CNTNAP2: variants seen among roughly 807,000 people sequenced by gnomAD.
The protein encoded by CNTNAP2 is contactin-associated protein-like 2.
In CNTNAP2, 98 loss-of-function variants were observed where a neutral mutation model predicts 155.2. That is an observed-to-expected ratio of 0.63 (90% CI 0.54 to 0.75). The LOEUF is 0.75. Ranked by LOEUF, CNTNAP2 falls within the 30% of genes least tolerant of loss-of-function variation. The pLI, the probability that CNTNAP2 is intolerant of heterozygous loss-of-function variation, is 0.00. For synonymous variants in CNTNAP2, 651 were observed against 631.2 expected, an observed-to-expected ratio of 1.03 and a Z score of -0.47; for missense variants, 1,727 against 1,688.1, an observed-to-expected ratio of 1.02 and a Z score of -0.40.
chr7:147,162,241 G>A lies in CNTNAP2; in HGVS notation c.1348+29732G>A, dbSNP rs1025040567. On this transcript the variant is annotated intron_variant, in intron 8 of 23. Coordinates refer to ENST00000361727, the MANE Select transcript of CNTNAP2 (RefSeq NM_014141.6). ...TATTCTTATTTAGCTTAGTGTTTATGTGACTCCATATATCACTGCTTAAAA... is the reference window on the plus strand; with the variant it reads ...TATTCTTATTTAGCTTAGTGTTTATATGACTCCATATATCACTGCTTAAAA... 2.6e-5 allele frequency: 4 copies of A among 152,248 alleles called. No homozygotes were observed. The East Asian group carries it at 5.8e-4, about 22-fold the overall frequency. 9.4% of individuals were successfully genotyped at this position (152,248 alleles called of 1,614,324 possible).
chr7:146,970,811 C>T (rs1359195360), intron 3 of CNTNAP2, among the ~76,000 whole-genome samples: 5 of 152,082 alleles, frequency 3.3e-5, no homozygotes, highest in Admixed American at 2.6e-4. Context: ...GGAACCAACC[C>T]AAATGTCCAA....
intron 8 of CNTNAP2, among the ~76,000 whole-genome samples, chr7:147,174,234 A>G (rs936118225): frequency 6.6e-6 from 1 of 152,126 alleles, no homozygotes. Context: ...CTCCCTCCCA[A>G]ACTCCCTTAC....
At chr7:147,800,924 C>A (rs1180589290) in intron 13 of CNTNAP2, among the ~76,000 whole-genome samples, 1 of 152,220 alleles carries the variant, frequency 6.6e-6, no homozygotes, top group Non-Finnish European at 1.5e-5. Flanking sequence ...AGCCTAGAAG[C>A]AATGGGCTGT....
intron 15 of CNTNAP2, among the ~76,000 whole-genome samples, chr7:148,001,463 AT>A (rs1334597500): frequency 6.6e-6 from 1 of 152,046 alleles, no homozygotes; most frequent in Non-Finnish European, 1.5e-5. Context: ...CTGTTACTCA[AT>A]TTTTTTTCTA....
intron 23 of CNTNAP2, among the ~76,000 whole-genome samples, chr7:148,411,185 CCTCA>C (rs768525582): frequency 1.8e-4 from 27 of 152,146 alleles, no homozygotes; most frequent in Admixed American, 3.9e-4. Context: ...AGATCCCAAT[CCTCA>C]CTGTCTTTTG....
At chr7:147,585,849 A>G (rs1481103480) in intron 12 of CNTNAP2, among the ~76,000 whole-genome samples, 14 of 152,072 alleles carry the variant, frequency 9.2e-5, no homozygotes, top group Non-Finnish European at 1.3e-4. Context: ...AATACTTTAT[A>G]GGCTATATGT....
intron 1 of CNTNAP2, among the ~76,000 whole-genome samples, chr7:146,519,515 G>A (rs1287745907): frequency 6.6e-6 from 1 of 151,880 alleles, no homozygotes; most frequent in Non-Finnish European, 1.5e-5. Flanking sequence ...AGAATGTACT[G>A]GACTGAGGCA....
chr7:146,965,706 C>G (rs1429828548), intron 3 of CNTNAP2, among the ~76,000 whole-genome samples: 1 of 152,060 alleles, frequency 6.6e-6, no homozygotes, highest in Admixed American at 6.6e-5. Flanking sequence ...AGAGGTGAAT[C>G]TGCTGAAATA....
chr7:147,392,429 G>C (rs1584920599), intron 9 of CNTNAP2, among the ~76,000 whole-genome samples: 1 of 151,734 alleles, frequency 6.6e-6, no homozygotes, highest in Admixed American at 6.6e-5. Context: ...TTCTTTCGTG[G>C]TGATTTATGA....
At chr7:147,388,577 C>CT (rs71527809) in intron 9 of CNTNAP2, among the ~76,000 whole-genome samples, 27,299 of 151,302 alleles carry the variant, frequency 0.18, 2,816 homozygotes, top group East Asian at 0.35. Context: ...TTCATTCTGT[C>CT]TTTTTTTTTC....
intron 20 of CNTNAP2, among the ~76,000 whole-genome samples, chr7:148,232,821 C>A (rs113720044): frequency 1.6e-3 from 249 of 152,324 alleles, no homozygotes; most frequent in African/African-American, 5.7e-3. Flanking sequence ...ACTTTCGTAG[C>A]TGGGTTTGGC....
intron 2 of CNTNAP2, among the ~76,000 whole-genome samples, chr7:146,777,802 A>C (rs1013937262): frequency 3.9e-5 from 6 of 151,920 alleles, no homozygotes; most frequent in Non-Finnish European, 7.4e-5. Flanking sequence ...ATTTTCTTCC[A>C]CTCTAAAATT....
intron 8 of CNTNAP2, among the ~76,000 whole-genome samples, chr7:147,172,194 T>C (rs967812978): frequency 6.6e-6 from 1 of 152,196 alleles, no homozygotes. Context: ...ATTTTTGTTA[T>C]GTCTGGGTAA....
intron 21 of CNTNAP2, among the ~76,000 whole-genome samples, chr7:148,355,567 A>C (rs767951561): frequency 6.6e-4 from 100 of 152,232 alleles, no homozygotes; most frequent in Non-Finnish European, 1.2e-3. Context: ...GTCTGCTCCC[A>C]GTTATTCAAG....
At chr7:146,498,608 T>G (rs1486196848) in intron 1 of CNTNAP2, among the ~76,000 whole-genome samples, 1 of 152,142 alleles carries the variant, frequency 6.6e-6, no homozygotes, top group African/African-American at 2.4e-5. Context: ...CATTTTAGAT[T>G]GACTTTTTCT....
Position 147,784,942 on chromosome 7 carries a change from G to A in CNTNAP2, c.2099-118623G>A, listed in dbSNP as rs143975816. Reference sequence around the variant, plus strand: ...AGAGGGCAGGGGAAACACCAGGGACGATTCCCACTTTCTTATCCACAATGC... The same window carrying A: ...AGAGGGCAGGGGAAACACCAGGGACAATTCCCACTTTCTTATCCACAATGC... On this transcript the variant is annotated intron_variant, in intron 13 of 23. Transcript: ENST00000361727. 4.1e-3 allele frequency among the ~76,000 whole-genome samples: 621 copies of A among 152,122 alleles called. 5 individuals carry two copies. Among genetic ancestry groups the A allele is most frequent in the Non-Finnish European group, 6.8e-3 (460 of 67,980 alleles).
At chr7:148,247,375 C>G (rs954068349) in intron 20 of CNTNAP2, among the ~76,000 whole-genome samples, 3 of 152,120 alleles carry the variant, frequency 2.0e-5, no homozygotes, top group Non-Finnish European at 2.9e-5. Context: ...CGACCCTTCT[C>G]CACCAAACCC....
chr7:146,370,340 A>G (rs536862316), intron 1 of CNTNAP2, among the ~76,000 whole-genome samples: 1 of 150,298 alleles, frequency 6.7e-6, no homozygotes, highest in East Asian at 2.0e-4. Context: ...TGGGAGGCTG[A>G]TGCAAGAGAT....
chr7:148,011,225 G>GT (rs1342706747), intron 15 of CNTNAP2, among the ~76,000 whole-genome samples: 1 of 151,964 alleles, frequency 6.6e-6, no homozygotes, highest in Non-Finnish European at 1.5e-5. Flanking sequence ...TGATATTCAA[G>GT]TTTTTGTGTG....
Sources: allele counts gnomAD v4.1 joint callset (sites outside exome capture counted in the v4.1 genomes callset), GRCh38; gene constraint gnomAD v4.1.1; transcripts MANE v1.5; gene names NCBI Gene and HGNC (gene_info 2026-07-23, HGNC 2026-07-21).